The following SLIT2 variants were observed in gnomAD, a reference collection of about 807,000 sequenced individuals.
The protein encoded by SLIT2 is slit homolog 2 protein.
Under a neutral mutation model 185.7 loss-of-function variants are expected in SLIT2, and 41 were observed. The ratio of observed to expected loss-of-function variants is 0.22; its 90% CI spans 0.17 to 0.29. SLIT2 has a LOEUF of 0.29. Ranked by LOEUF, SLIT2 falls within the 10% of genes least tolerant of loss-of-function variation. The pLI is 1.00. For missense variants in SLIT2, 1,571 were observed against 1,909.0 expected (o/e 0.82, Z 3.30); for synonymous variants, 693 against 680.2 (o/e 1.02, Z -0.29).
intron 31 of SLIT2, 75 bp downstream of exon 31, chr4:20,595,909 G>A: frequency 2.4e-6 from 3 of 1,248,214 alleles, no homozygotes; most frequent in Non-Finnish European, 3.4e-6. Context: ...CAGTAATAGT[G>A]TAATCGTACA....
chr4:20,616,757 T>C, intron 34 of SLIT2, 153 bp from the exon 35 acceptor site: 1 of 720,520 alleles, frequency 1.4e-6, no homozygotes, highest in Non-Finnish European at 2.3e-6. Flanking sequence ...CACACATCTC[T>C]ACATCTCTTC....
At chr4:20,412,296 T>A (rs1242728334) in intron 4 of SLIT2, among the ~76,000 whole-genome samples, 1 of 152,206 alleles carries the variant, frequency 6.6e-6, no homozygotes, top group East Asian at 1.9e-4. Context: ...TACTATACAG[T>A]AGGTTTGATG....
In SLIT2 at chr4:20,484,190, C is replaced by T. The variant is rs1409302647; in HGVS notation, c.540-2010C>T. On this transcript the variant is annotated intron_variant, in intron 6 of 36. Transcript: ENST00000504154. The surrounding 1 kb of genome is among the most constrained non-coding windows in gnomAD (Gnocchi z 4.3). ...TGTAGTACTTAAAACAATTTATTCC[C>T]AAAGTCATATTTCAGAATGCTATAT... 6.6e-6 allele frequency among the ~76,000 whole-genome samples: 1 copy of T among 151,958 alleles called. No individual in the cohort carries two copies. The highest frequency in any genetic ancestry group is 1.5e-5 in the Non-Finnish European group (1 of 67,982).
At chr4:20,474,626 A>G (rs80287373) in intron 5 of SLIT2, among the ~76,000 whole-genome samples, 6,503 of 152,134 alleles carry the variant, frequency 0.043, 269 homozygotes, top group East Asian at 0.15. Flanking sequence ...TAATCATGCC[A>G]TGGCTGCTGT....
intron 11 of SLIT2, among the ~76,000 whole-genome samples, chr4:20,515,942 T>C (rs1397184054): frequency 1.3e-5 from 2 of 152,076 alleles, no homozygotes; most frequent in Admixed American, 6.6e-5. Context: ...CAGCCTCTCA[T>C]GTAGCTGGGA....
intron 4 of SLIT2, among the ~76,000 whole-genome samples, chr4:20,456,283 T>A (rs907309924): frequency 1.3e-5 from 2 of 152,140 alleles, no homozygotes; most frequent in Non-Finnish European, 2.9e-5. Context: ...TCCTTCTAAT[T>A]GTTAAATGCA....
intron 31 of SLIT2, 30 bp from the exon 32 acceptor site, chr4:20,596,385 A>T (rs766494687): frequency 1.6e-5 from 25 of 1,605,374 alleles, no homozygotes; most frequent in Non-Finnish European, 2.0e-5. Flanking sequence ...AAATCGTATT[A>T]ACTAATTTTT....
chr4:20,362,724 C>T (rs1048486178), intron 4 of SLIT2, among the ~76,000 whole-genome samples: 1 of 151,640 alleles, frequency 6.6e-6, no homozygotes, highest in East Asian at 1.9e-4. Context: ...TTAAAACAAA[C>T]GCACAAACAT....
At position 20,510,583 on chromosome 4, in the gene SLIT2, C is replaced by G. The variant is rs1308477529; in HGVS notation, c.986+17C>G. 6.7e-7 allele frequency: 1 copy of G among 1,487,144 alleles called. No homozygotes were observed. Among genetic ancestry groups the G allele is most frequent in the African/African-American group, 1.4e-5 (1 of 72,228 alleles). The allele number at this position is 1,487,144 out of a possible 1,614,324, so 92.1% of individuals were successfully genotyped here. A position where few individuals can be genotyped will look rare whatever the true frequency, so the allele number is the denominator to read the frequency against. On this transcript the variant is annotated intron_variant, in intron 10 of 36. Coordinates refer to ENST00000504154, the MANE Select transcript of SLIT2 (RefSeq NM_004787.4). ...TAGACGAATGTGAGTGAACAATATT[C>G]TACAATATATGTAATTTTAAAAATT...
chr4:20,485,471 T>C (rs1717126876), intron 6 of SLIT2, among the ~76,000 whole-genome samples: 1 of 152,122 alleles, frequency 6.6e-6, no homozygotes, highest in Non-Finnish European at 1.5e-5. Flanking sequence ...TGTTATTTAT[T>C]TTCACAATAA....
intron 4 of SLIT2, among the ~76,000 whole-genome samples, chr4:20,336,091 A>G (rs1303088329): frequency 6.6e-6 from 1 of 152,140 alleles, no homozygotes; most frequent in Admixed American, 6.5e-5. Context: ...CCATTCCATG[A>G]TGACATTCTA....
At position 20,523,711 on chromosome 4, in the gene SLIT2, G is replaced by A. The variant is rs780692963; in HGVS notation, c.1131-49G>A. On this transcript the variant is annotated intron_variant, in intron 12 of 36. Transcript: ENST00000504154. ...TTAAAAAGCACAAAATCTTGCAGGTGAGTTAATAAGATGCTACACTTTAAT... is the reference window on the plus strand; with the variant it reads ...TTAAAAAGCACAAAATCTTGCAGGTAAGTTAATAAGATGCTACACTTTAAT... 1.6e-5 allele frequency: 25 copies of A among 1,534,882 alleles called. No homozygotes were observed. The East Asian group carries it at 5.6e-4, about 35-fold the overall frequency.
intron 4 of SLIT2, among the ~76,000 whole-genome samples, chr4:20,442,109 T>G (rs1161064708): frequency 2.0e-5 from 3 of 151,862 alleles, no homozygotes; most frequent in Admixed American, 6.6e-5. Flanking sequence ...TCAAATGAGA[T>G]CTTGGTGAGT....
intron 5 of SLIT2, among the ~76,000 whole-genome samples, chr4:20,472,428 A>G (rs1715393906): frequency 1.3e-5 from 1 of 77,380 alleles, no homozygotes; most frequent in Non-Finnish European, 2.3e-5. Flanking sequence ...ATATATATAG[A>G]TATCTATAGA....
chr4:20,556,550 C>T lies in SLIT2; in HGVS notation c.2725+2582C>T, dbSNP rs530277713. 3.3e-5 allele frequency among the ~76,000 whole-genome samples: 5 copies of T among 152,118 alleles called. No homozygotes were observed. In the South Asian group the frequency reaches 1.0e-3, roughly 32 times the overall value. On this transcript the variant is annotated intron_variant, in intron 26 of 36. Coordinates refer to ENST00000504154, the MANE Select transcript of SLIT2 (RefSeq NM_004787.4). ...AGTTTACACTAATTTGTGAAATGCTCTTGGAAGTCCAAGATAAGTCCCCTG... is the reference window on the plus strand; with the variant it reads ...AGTTTACACTAATTTGTGAAATGCTTTTGGAAGTCCAAGATAAGTCCCCTG...
At chr4:20,496,054 A>T (rs1433926930) in intron 9 of SLIT2, among the ~76,000 whole-genome samples, 1 of 152,154 alleles carries the variant, frequency 6.6e-6, no homozygotes, top group Non-Finnish European at 1.5e-5. Flanking sequence ...ATTGCAAGTT[A>T]TGAGATATTT....
At chr4:20,431,141 G>T (rs997741637) in intron 4 of SLIT2, among the ~76,000 whole-genome samples, 2 of 152,144 alleles carry the variant, frequency 1.3e-5, no homozygotes, top group African/African-American at 4.8e-5. Context: ...TAATGAATGG[G>T]TTTTCCTCTA....
At chr4:20,488,210 C>A (rs1419346341) in intron 7 of SLIT2, among the ~76,000 whole-genome samples, 2 of 152,092 alleles carry the variant, frequency 1.3e-5, no homozygotes, top group Admixed American at 1.3e-4. Context: ...AATTTCAGTC[C>A]CTGCTCTTTG....
Position 20,252,222 on chromosome 4 carries a change from C to T in SLIT2, c.-1594C>T, listed in dbSNP as rs909990181. Among the ~76,000 whole-genome samples the T allele has an allele frequency of 5.9e-5, 9 of 152,138 alleles. No individual in the cohort carries two copies. The highest frequency in any genetic ancestry group is 5.9e-4 in the Admixed American group (9 of 15,290). ...CAGCGAACAACTCCAGTTACGACAA[C>T]AACCCACCTTCCTTCCAGACAAGCG... On this transcript the variant is annotated 5_prime_UTR_variant, in exon 1 of 37. Coordinates refer to ENST00000504154, the MANE Select transcript of SLIT2 (RefSeq NM_004787.4).
Sources: allele counts gnomAD v4.1 joint callset (sites outside exome capture counted in the v4.1 genomes callset), GRCh38; gene constraint gnomAD v4.1.1; non-coding constraint Gnocchi (gnomAD v3.1); transcripts MANE v1.5; gene names NCBI Gene and HGNC (gene_info 2026-07-23, HGNC 2026-07-21).